Variants in LRRC4C observed in about 807,000 individuals in gnomAD.
LRRC4C encodes the protein leucine-rich repeat-containing protein 4C.
A neutral mutation model predicts 33.6 loss-of-function variants in LRRC4C; 5 were observed. The observed-to-expected ratio is 0.15, with a 90% confidence interval of 0.08 to 0.31. The LOEUF is 0.31. LRRC4C is among the 10% of genes least tolerant of loss of function. LRRC4C has a pLI of 1.00. For missense variants in LRRC4C, 560 were observed against 796.7 expected, an observed-to-expected ratio of 0.70 and a Z score of 3.58; for synonymous variants, 329 against 302.0, an observed-to-expected ratio of 1.09 and a Z score of -0.93.
intron 2 of LRRC4C, among the ~76,000 whole-genome samples, chr11:40,770,324 C>A (rs1949694269): frequency 6.6e-6 from 1 of 152,098 alleles, no homozygotes. Flanking sequence ...ACCATCAGAT[C>A]TTGTGAGAAC....
chr11:40,739,991 T>A (rs1211904143), intron 2 of LRRC4C, among the ~76,000 whole-genome samples: 1 of 151,794 alleles, frequency 6.6e-6, no homozygotes, highest in African/African-American at 2.4e-5. Flanking sequence ...TATATAGGTA[T>A]ATATATTTTA....
chr11:40,474,016 G>A (rs1322165233), intron 3 of LRRC4C, among the ~76,000 whole-genome samples: 1 of 152,116 alleles, frequency 6.6e-6, no homozygotes. Flanking sequence ...TCATGAAAAT[G>A]GCCATACTTC....
chr11:40,990,216 A>G lies in LRRC4C; in HGVS notation c.-495-56493T>C, dbSNP rs1296517520. 1.4e-4 allele frequency among the ~76,000 whole-genome samples: 18 copies of G among 132,672 alleles called. No individual in the cohort carries two copies. The South Asian group carries it at 4.3e-3, about 32-fold the overall frequency. 87.0% of individuals were successfully genotyped at this position (132,672 alleles called of 152,430 possible). On this transcript the variant is annotated intron_variant, in intron 1 of 6. Coordinates refer to ENST00000528697, the MANE Select transcript of LRRC4C (RefSeq NM_001258419.2). ...TAATAAAATCTATCAAAATATTTGA[A>G]TAGTATGTCAAGTTTTATATATATA...
chr11:40,618,772 TG>T (rs1237423471), intron 3 of LRRC4C, among the ~76,000 whole-genome samples: 1 of 151,748 alleles, frequency 6.6e-6, no homozygotes, highest in African/African-American at 2.4e-5. Flanking sequence ...AATTTTGGGT[TG>T]TAAGTCCATC....
At chr11:40,755,365 A>G (rs1262487525) in intron 2 of LRRC4C, among the ~76,000 whole-genome samples, 2 of 152,098 alleles carry the variant, frequency 1.3e-5, no homozygotes, top group African/African-American at 4.8e-5. Flanking sequence ...AAAGTAAGAC[A>G]CAGAGAGGTA....
intron 3 of LRRC4C, among the ~76,000 whole-genome samples, chr11:40,542,070 CTCTCTTTTCTTTCTCTT>C (rs1712786341): frequency 1.4e-5 from 2 of 143,050 alleles, no homozygotes; most frequent in Non-Finnish European, 3.1e-5. Flanking sequence ...TTCTTTCTCT[CTCTCTTTTCTTTCTCTT>C]TCTTTTTCTC....
intron 3 of LRRC4C, among the ~76,000 whole-genome samples, chr11:40,629,515 T>G (rs913163400): frequency 6.6e-6 from 1 of 152,198 alleles, no homozygotes; most frequent in African/African-American, 2.4e-5. Flanking sequence ...GTAAATTTCA[T>G]GAATAAACAG....
intron 3 of LRRC4C, among the ~76,000 whole-genome samples, chr11:40,498,279 C>T (rs909651247): frequency 4.6e-5 from 7 of 152,048 alleles, no homozygotes; most frequent in African/African-American, 1.2e-4. Context: ...AACGCTACAA[C>T]GGAATTAGAC....
At chr11:41,116,898 C>T (rs16935359) in intron 1 of LRRC4C, among the ~76,000 whole-genome samples, 30,797 of 151,944 alleles carry the variant, frequency 0.2, 3,703 homozygotes, top group East Asian at 0.38. Context: ...AATTTTTATC[C>T]CACACACCCT....
At chr11:40,961,400 T>C (rs1350114881) in intron 1 of LRRC4C, among the ~76,000 whole-genome samples, 1 of 151,722 alleles carries the variant, frequency 6.6e-6, no homozygotes, top group African/African-American at 2.4e-5. Context: ...GTCTGTGCTC[T>C]GTGTTCCAAT....
chr11:40,722,381 G>A (rs1947062939), intron 2 of LRRC4C, among the ~76,000 whole-genome samples: 2 of 152,066 alleles, frequency 1.3e-5, no homozygotes, highest in Admixed American at 1.3e-4. Flanking sequence ...TTACTCTTAC[G>A]CGCCGTCTAC....
At chr11:41,266,935 AT>A (rs1435381416) in intron 1 of LRRC4C, among the ~76,000 whole-genome samples, 4 of 152,144 alleles carry the variant, frequency 2.6e-5, no homozygotes, top group African/African-American at 9.6e-5. Flanking sequence ...AAGGAAGTGA[AT>A]TACCAATTCT....
chr11:41,235,025 C>G (rs183695404), intron 1 of LRRC4C, among the ~76,000 whole-genome samples: 20 of 151,818 alleles, frequency 1.3e-4, no homozygotes, highest in African/African-American at 4.8e-4. Context: ...GATCAGAACT[C>G]AGGAAGATAT....
intron 1 of LRRC4C, among the ~76,000 whole-genome samples, chr11:41,420,855 T>C (rs570374934): frequency 4.9e-4 from 75 of 152,132 alleles, no homozygotes; most frequent in African/African-American, 1.7e-3. Context: ...TGGTACATAA[T>C]AGGCTCTCAA....
intron 3 of LRRC4C, among the ~76,000 whole-genome samples, chr11:40,388,152 G>A (rs1008940518): frequency 6.6e-6 from 1 of 152,114 alleles, no homozygotes; most frequent in South Asian, 2.1e-4. Flanking sequence ...TTTGGAAAGA[G>A]AGGCTGTTTT....
intron 3 of LRRC4C, among the ~76,000 whole-genome samples, chr11:40,585,653 T>C (rs1285017215): frequency 8.2e-6 from 1 of 122,442 alleles, no homozygotes; most frequent in African/African-American, 3.2e-5. Context: ...CCCCAGAGTG[T>C]GATGTTCCCC....
At chr11:41,366,797 A>C (rs1033550558) in intron 1 of LRRC4C, among the ~76,000 whole-genome samples, 1 of 152,152 alleles carries the variant, frequency 6.6e-6, no homozygotes, top group Non-Finnish European at 1.5e-5. Context: ...GGAGGAAGAA[A>C]TCTATCTACA....
At chr11:40,662,573 C>G (rs1322777196) in intron 2 of LRRC4C, among the ~76,000 whole-genome samples, 1 of 152,150 alleles carries the variant, frequency 6.6e-6, no homozygotes. Context: ...AGTCCGTGTT[C>G]ACGAAAAGAA....
At chr11:41,324,243 C>G (rs1055218737) in intron 1 of LRRC4C, among the ~76,000 whole-genome samples, 30 of 152,190 alleles carry the variant, frequency 2.0e-4, no homozygotes, top group Admixed American at 9.8e-4. Context: ...CCAGCCTGAC[C>G]AACATGGAGA....
Sources: allele counts gnomAD v4.1 joint callset (sites outside exome capture counted in the v4.1 genomes callset), GRCh38; gene constraint gnomAD v4.1.1; transcripts MANE v1.5; gene names NCBI Gene and HGNC (gene_info 2026-07-23, HGNC 2026-07-21).